The following GOLGA8M variants were observed in gnomAD, a reference collection of about 807,000 sequenced individuals.
GOLGA8M encodes golgin A8 family member M.
GOLGA8M carries 34 observed loss-of-function variants against 87.7 expected under a neutral mutation model. That is an observed-to-expected ratio of 0.39 (90% CI 0.29 to 0.52). GOLGA8M has a LOEUF of 0.52. Among genes scored for constraint, GOLGA8M ranks in the 20% least tolerant of loss-of-function variants. The pLI, the probability that GOLGA8M is intolerant of heterozygous loss-of-function variation, is 0.80. For missense variants in GOLGA8M, 396 were observed against 682.2 expected, an observed-to-expected ratio of 0.58 and a Z score of 4.67; for synonymous variants, 138 against 250.2, an observed-to-expected ratio of 0.55 and a Z score of 4.23.
At position 28,704,030 on chromosome 15, in the gene GOLGA8M, A is replaced by C. The variant is rs79788675; in HGVS notation, c.1201-113T>G. 61,850 of 1,432,082 alleles carry C rather than the reference A, an allele frequency of 0.043. 9,200 individuals are homozygous for C. In the East Asian group the frequency reaches 0.46, roughly 11 times the overall value. 88.7% of individuals were successfully genotyped at this position (1,432,082 alleles called of 1,614,324 possible). A position where few individuals can be genotyped will look rare whatever the true frequency, so the allele number is the denominator to read the frequency against. ...TCTCCTGCAACTTTTGGCAGGCCAT[A>C]TCGGCCACCGCTTTGCCTCAAGCTT... On this transcript the variant is annotated intron_variant, in intron 13 of 18. Transcript: ENST00000563027.
Position 28,701,659 on chromosome 15 carries a change from G to T in GOLGA8M, c.*295C>A, listed in dbSNP as rs2079788228. The stretch of plus-strand genomic sequence containing the variant: ...TTTTGGGCAAAGAGTGGGTCTTTGT[G>T]TGTTTGAACTTCCACCACGTAAGGG... On this transcript the variant is annotated 3_prime_UTR_variant, in exon 19 of 19. Coordinates refer to ENST00000563027, the MANE Select transcript of GOLGA8M (RefSeq NM_001282468.3). 6.6e-6 allele frequency among the ~76,000 whole-genome samples: 1 copy of T among 152,050 alleles called. No homozygotes were observed. Among genetic ancestry groups the T allele is most frequent in the Non-Finnish European group, 1.5e-5 (1 of 68,036 alleles).
In GOLGA8M at chr15:28,712,127, G is replaced by C. The variant is rs2080213217; in HGVS notation, c.48+149C>G. Reference sequence around the variant, plus strand: ...GCTTTCTGAAGGGGTGGGGCTGACTGACAAAACTTTGATGGGGGTAGCCCA... The same window carrying C: ...GCTTTCTGAAGGGGTGGGGCTGACTCACAAAACTTTGATGGGGGTAGCCCA... On this transcript the variant is annotated intron_variant, in intron 1 of 18. Coordinates refer to ENST00000563027, the MANE Select transcript of GOLGA8M (RefSeq NM_001282468.3). 3.9e-6 allele frequency: 6 copies of C among 1,533,498 alleles called. No individual in the cohort carries two copies. The African/African-American group carries it at 4.1e-5, about 11-fold the overall frequency. 95.0% of individuals were successfully genotyped at this position (1,533,498 alleles called of 1,614,324 possible).
At position 28,702,098 on chromosome 15, in the gene GOLGA8M, G is replaced by A. The variant is rs2079802430; in HGVS notation, c.1755C>T (p.Ala585=). ...DLCEVSLTSS[A]QGEAREDPLL... ...GAGGATCCTCCCTGGCCTCTCCTTG[G>A]GCAGAGGAGGTGAGGCTCACCTCAC... Residue 585 remains alanine, a synonymous_variant, in exon 19 of 19, where the codon GCC becomes GCT. Coordinates refer to ENST00000563027, the MANE Select transcript of GOLGA8M (RefSeq NM_001282468.3). The A allele has an allele frequency of 6.3e-7, 1 of 1,586,714 alleles. No homozygotes were observed. The highest frequency in any genetic ancestry group is 8.5e-7 in the Non-Finnish European group (1 of 1,174,802).
Position 28,701,090 on chromosome 15 carries a change from C to T in GOLGA8M, c.*864G>A, listed in dbSNP as rs2079773598. Among the ~76,000 whole-genome samples, 1 of 152,012 alleles carries T rather than the reference C, an allele frequency of 6.6e-6. No individual in the cohort carries two copies. Among genetic ancestry groups the T allele is most frequent in the Admixed American group, 6.6e-5 (1 of 15,252 alleles). ...ATGCTCTAAGCTAGGAAAGGTTTTC[C>T]ACATCCACAGTCAACGATGGGAACC... On this transcript the variant is annotated 3_prime_UTR_variant, in exon 19 of 19. Coordinates refer to ENST00000563027, the MANE Select transcript of GOLGA8M (RefSeq NM_001282468.3).
At chr15:28,713,315 C>T (rs1019552581), upstream of GOLGA8M, among the ~76,000 whole-genome samples, 19 of 151,088 alleles carry the variant, frequency 1.3e-4, no homozygotes, top group African/African-American at 4.6e-4. Context: ...CCAGCCTGGG[C>T]TACAGAGCAA....
intron 12 of GOLGA8M, 41 bp from the exon 13 acceptor site, chr15:28,705,268 G>A (rs1267642343): frequency 2.5e-6 from 4 of 1,573,004 alleles, no homozygotes; most frequent in Non-Finnish European, 3.4e-6. Context: ...CACTGCAGCT[G>A]GAGACCCCAG....
intron 1 of GOLGA8M, chr15:28,711,965 G>A: frequency 1.0e-6 from 1 of 984,734 alleles, no homozygotes; most frequent in Non-Finnish European, 1.2e-6. Flanking sequence ...TGGCTCCTCA[G>A]AGATGAGAGC....
rs3925839 is a variant in GOLGA8M at position 28,701,288 on chromosome 15, A to G, written c.*666T>C. The stretch of plus-strand genomic sequence containing the variant: ...AGATGAAACACACTCTATCCTGCAC[A>G]TACCTGCCAGAGGAAGCCACTTTCC... On this transcript the variant is annotated 3_prime_UTR_variant, in exon 19 of 19. Coordinates refer to ENST00000563027, the MANE Select transcript of GOLGA8M (RefSeq NM_001282468.3). Among the ~76,000 whole-genome samples, 22,461 of 150,288 alleles carry G rather than the reference A, an allele frequency of 0.15. 3,005 individuals are homozygous for G. Among genetic ancestry groups the G allele is most frequent in the East Asian group, 0.62 (3,028 of 4,890 alleles).
chr15:28,704,714 A>T (rs1487025239), intron 13 of GOLGA8M, among the ~76,000 whole-genome samples: 1 of 143,028 alleles, frequency 7.0e-6, no homozygotes, highest in African/African-American at 2.7e-5. Context: ...AGTAGGTGGA[A>T]TTACAGGCAT....
At chr15:28,708,095 G>T in intron 6 of GOLGA8M, 31 bp downstream of exon 6, 6 of 1,606,088 alleles carry the variant, frequency 3.7e-6, no homozygotes, top group Non-Finnish European at 5.1e-6. Flanking sequence ...TTCTCCGGAG[G>T]ACAGGAGGAA....
chr15:28,704,864 G>C (rs900150266), intron 13 of GOLGA8M: 1 of 590,362 alleles, frequency 1.7e-6, no homozygotes, highest in African/African-American at 2.0e-5. Flanking sequence ...TGGGATTATA[G>C]GCATGAGCCA....
At chr15:28,711,463 C>A (rs1035049890) in intron 1 of GOLGA8M, 3 of 984,144 alleles carry the variant, frequency 3.0e-6, no homozygotes, top group Non-Finnish European at 3.6e-6. Context: ...TCTCTCATTG[C>A]CACCCAGAGA....
At chr15:28,708,790 G>A (rs71470871) in intron 4 of GOLGA8M, among the ~76,000 whole-genome samples, 2 of 151,988 alleles carry the variant, frequency 1.3e-5, no homozygotes, top group African/African-American at 4.8e-5. Context: ...GATATAGGAT[G>A]GAAAAGGACA....
chr15:28,708,090 C>A (rs551994395), intron 6 of GOLGA8M, 36 bp downstream of exon 6: 26 of 1,606,790 alleles, frequency 1.6e-5, no homozygotes, highest in Admixed American at 1.0e-4. Flanking sequence ...AAACATTCTC[C>A]GGAGGACAGG....
chr15:28,702,128 A>G lies in GOLGA8M; in HGVS notation c.1725T>C (p.Asp575=). ...QELGAADKHG[D]LCEVSLTSSA... ...AGGAGGTGAGGCTCACCTCACAAAG[A>G]TCTTTGGAGAGAGGGAGGCAGGGAT... The change falls in exon 19 of 19, where the codon GAT becomes GAC. Residue 575 remains aspartate, a splice_region_variant and synonymous_variant. Coordinates refer to ENST00000563027, the MANE Select transcript of GOLGA8M (RefSeq NM_001282468.3). 3 of 1,579,420 alleles carry G rather than the reference A, an allele frequency of 1.9e-6. No individual in the cohort carries two copies. Among genetic ancestry groups the G allele is most frequent in the Non-Finnish European group, 2.6e-6 (3 of 1,171,514 alleles).
chr15:28,706,706 G>C lies in GOLGA8M; in HGVS notation c.592-7C>G, dbSNP rs2080041976. The C allele has an allele frequency of 7.0e-7, 1 of 1,433,564 alleles. No individual in the cohort carries two copies. Among genetic ancestry groups the C allele is most frequent in the Non-Finnish European group, 9.6e-7 (1 of 1,038,494 alleles). The allele number at this position is 1,433,564 out of a possible 1,614,324, so 88.8% of individuals were successfully genotyped here. On this transcript the variant is annotated splice_polypyrimidine_tract_variant and splice_region_variant and intron_variant, in intron 8 of 18. Coordinates refer to ENST00000563027, the MANE Select transcript of GOLGA8M (RefSeq NM_001282468.3). ...CTTTACTGGGGCTGGACAACTGGAT[G>C]GCAAAGAGTGAGAAGTTTCAATCTG...
At chr15:28,708,605 C>T (rs558593906) in intron 4 of GOLGA8M, among the ~76,000 whole-genome samples, 192 bp from the exon 5 acceptor site, 6,932 of 147,286 alleles carry the variant, frequency 0.047, 429 homozygotes, top group African/African-American at 0.17. Flanking sequence ...CTTTTGCCCA[C>T]AGCCACAGAA....
In GOLGA8M at chr15:28,702,578, G is replaced by C. The variant is rs1274464192; in HGVS notation, c.1470-16C>G. On this transcript the variant is annotated splice_polypyrimidine_tract_variant and intron_variant, in intron 16 of 18. Coordinates refer to ENST00000563027, the MANE Select transcript of GOLGA8M (RefSeq NM_001282468.3). ...ATGGATTTTCCTGCGGGAGGACGGGGCTCAGACGCTGGGGCCCCTCCGACG... is the reference window on the plus strand; with the variant it reads ...ATGGATTTTCCTGCGGGAGGACGGGCCTCAGACGCTGGGGCCCCTCCGACG... 1.9e-6 allele frequency: 3 copies of C among 1,608,814 alleles called. No individual in the cohort carries two copies. The highest frequency in any genetic ancestry group is 1.7e-4 in the Middle Eastern group (1 of 5,828).
At chr15:28,711,673 G>T in intron 1 of GOLGA8M, 2 of 984,170 alleles carry the variant, frequency 2.0e-6, no homozygotes, top group Non-Finnish European at 2.4e-6. Flanking sequence ...AAGATCAAAG[G>T]CCAGTCTTGC....
Sources: allele counts gnomAD v4.1 joint callset (sites outside exome capture counted in the v4.1 genomes callset), GRCh38; gene constraint gnomAD v4.1.1; transcripts MANE v1.5; gene names NCBI Gene and HGNC (gene_info 2026-07-23, HGNC 2026-07-21).